The following TRIM24 variants were observed in gnomAD, a reference collection of about 807,000 sequenced individuals.
TRIM24 encodes tripartite motif containing 24, also known as transcription intermediary factor 1-alpha.
Under a neutral mutation model 123.9 loss-of-function variants are expected in TRIM24, and 29 were observed. The observed-to-expected ratio is 0.23, with a 90% CI of 0.17 to 0.32. The LOEUF is 0.32. TRIM24 is among the 10% of genes least tolerant of loss of function. The pLI, the probability that TRIM24 is intolerant of heterozygous loss-of-function variation, is 1.00. For synonymous variants in TRIM24, 456 were observed against 461.1 expected, an observed-to-expected ratio of 0.99 and a Z score of 0.14; for missense variants, 932 against 1,295.3, an observed-to-expected ratio of 0.72 and a Z score of 4.31.
At chr7:138,581,264 C>A (rs2353354) in intron 16 of TRIM24, among the ~76,000 whole-genome samples, 34,530 of 152,134 alleles carry the variant, frequency 0.23, 4,875 homozygotes, top group East Asian at 0.5. Flanking sequence ...TCAGTGGTTA[C>A]TGGGATAAAC....
In TRIM24 at chr7:138,587,087, C is replaced by T. The variant is rs1480316186; in HGVS notation, c.*2136C>T. On this transcript the variant is annotated 3_prime_UTR_variant, in exon 19 of 19. Coordinates refer to ENST00000343526, the MANE Select transcript of TRIM24 (RefSeq NM_015905.3). ...AAGATCGGGGCTGGGCGCAGTGGCT[C>T]ACACCTGCAATCCCACCAGCACTTT... 6.6e-6 allele frequency: 1 copy of T among 152,126 alleles called. No individual in the cohort carries two copies. Among genetic ancestry groups the T allele is most frequent in the Non-Finnish European group, 1.5e-5 (1 of 68,046 alleles). 9.4% of individuals were successfully genotyped at this position (152,126 alleles called of 1,614,324 possible). A position where few individuals can be genotyped will look rare whatever the true frequency, so the allele number is the denominator to read the frequency against.
chr7:138,463,510 G>GT (rs1307294313), intron 1 of TRIM24, among the ~76,000 whole-genome samples: 1 of 152,184 alleles, frequency 6.6e-6, no homozygotes, highest in East Asian at 1.9e-4. Context: ...GGGATTACAG[G>GT]TGTGAGCCAC....
chr7:138,549,363 A>G (rs1334777348), intron 7 of TRIM24, among the ~76,000 whole-genome samples: 1 of 152,156 alleles, frequency 6.6e-6, no homozygotes, highest in African/African-American at 2.4e-5. Context: ...AGAGGAAATC[A>G]CCAACAATGG....
chr7:138,578,287 A>AATG (rs72407666), intron 14 of TRIM24, among the ~76,000 whole-genome samples: 2,618 of 152,128 alleles, frequency 0.017, 66 homozygotes, highest in African/African-American at 0.059. Flanking sequence ...TAATAATAAT[A>AATG]ATGATGTAAA....
rs77557174 is a variant in TRIM24 at position 138,563,300 on chromosome 7, C to T, written c.1531-4181C>T. On this transcript the variant is annotated intron_variant, in intron 9 of 18. Transcript: ENST00000343526. ...GGTGGCATTTTTGTTTCATAGCCTC[C>T]GCCATTTTCTTCACTGCCCTCTGGA... Among the ~76,000 whole-genome samples the T allele has an allele frequency of 1.2e-3, 186 of 152,250 alleles. 1 individual carries two copies. The East Asian group carries it at 0.015, about 12-fold the overall frequency.
chr7:138,533,720 C>G (rs930057987), intron 6 of TRIM24, among the ~76,000 whole-genome samples: 4 of 152,180 alleles, frequency 2.6e-5, no homozygotes, highest in Non-Finnish European at 5.9e-5. Flanking sequence ...CAGGATGATG[C>G]TGGCCTCATA....
intron 3 of TRIM24, among the ~76,000 whole-genome samples, chr7:138,516,476 CTGCCTGTAACTGGGATTACAGG>C (rs971881791): frequency 1.3e-5 from 2 of 152,148 alleles, no homozygotes; most frequent in African/African-American, 4.8e-5. Context: ...TGCTATTCTC[CTGCCTGTAACTGGGATTACAGG>C]TGTGCGCCAC....
At chr7:138,501,794 A>C (rs986564140) in intron 1 of TRIM24, among the ~76,000 whole-genome samples, 1 of 151,824 alleles carries the variant, frequency 6.6e-6, no homozygotes, top group Non-Finnish European at 1.5e-5. Flanking sequence ...AGGCTGAGGC[A>C]GGAGAATCAC....
intron 12 of TRIM24, among the ~76,000 whole-genome samples, chr7:138,575,133 A>C (rs1797729547): frequency 6.6e-6 from 1 of 152,216 alleles, no homozygotes. Flanking sequence ...ACCATATAAA[A>C]GATGTAAAAG....
Position 138,585,451 on chromosome 7 carries a change from A to G in TRIM24, c.*500A>G, listed in dbSNP as rs11983995. ...CTGTACTGAAGAACAGTACTCCACA[A>G]ACATGGGTGGTAACAAGAGTTCCAT... On this transcript the variant is annotated 3_prime_UTR_variant, in exon 19 of 19. Transcript: ENST00000343526. The G allele has an allele frequency of 0.013, 3,805 of 296,936 alleles. 143 individuals carry two copies. Among genetic ancestry groups the G allele is most frequent in the African/African-American group, 0.079 (3,505 of 44,526 alleles). 18.4% of individuals were successfully genotyped at this position (296,936 alleles called of 1,614,324 possible). A position where few individuals can be genotyped will look rare whatever the true frequency, so the allele number is the denominator to read the frequency against.
rs1798060702 is a variant in TRIM24 at position 138,588,859 on chromosome 7, TAGC to T, written c.*3909_*3911del. On this transcript the variant is annotated 3_prime_UTR_variant, in exon 19 of 19. Transcript: ENST00000343526. ...ACCTCAACAGAATATACAAAAAAAT[TAGC>T]TGGGTGTGGTGGCGGGTGCCTGTAA... 3 of 151,370 alleles carry T rather than the reference TAGC, an allele frequency of 2.0e-5. No homozygotes were observed. Among genetic ancestry groups the T allele is most frequent in the African/African-American group, 7.3e-5 (3 of 41,098 alleles). The allele number at this position is 151,370 out of a possible 1,614,324, so 9.4% of individuals were successfully genotyped here.
rs1554429651 is a variant in TRIM24, at chr7:138,463,989, C to CATTTTTT, written c.364+3077_364+3078insATTTTTT. On this transcript the variant is annotated intron_variant, in intron 1 of 18. Transcript: ENST00000343526. ...ATACTAGCTGAAGCAAAAATTTAGA[C>CATTTTTT]TTTTTTTTTTTTTTTTTTTTTTTGA... Among the ~76,000 whole-genome samples, 311 of 50,762 alleles carry CATTTTTT rather than the reference C, an allele frequency of 6.1e-3. 15 individuals carry two copies. Among genetic ancestry groups the CATTTTTT allele is most frequent in the African/African-American group, 0.022 (263 of 12,214 alleles). 33.3% of individuals were successfully genotyped at this position (50,762 alleles called of 152,430 possible).
intron 9 of TRIM24, among the ~76,000 whole-genome samples, chr7:138,560,354 C>T (rs1797400500): frequency 6.6e-6 from 1 of 152,218 alleles, no homozygotes. Flanking sequence ...TGTCTCTTAA[C>T]AATACTTTAG....
intron 1 of TRIM24, among the ~76,000 whole-genome samples, chr7:138,477,278 C>T (rs1429745518): frequency 1.3e-5 from 2 of 152,030 alleles, no homozygotes; most frequent in Non-Finnish European, 2.9e-5. Flanking sequence ...GGAGATCAGG[C>T]CACTGCACTC....
chr7:138,560,609 C>T (rs1797406442), intron 9 of TRIM24, among the ~76,000 whole-genome samples: 1 of 152,168 alleles, frequency 6.6e-6, no homozygotes, highest in African/African-American at 2.4e-5. Flanking sequence ...GGCAGTGAGC[C>T]ACAGCACATA....
chr7:138,476,733 A>T (rs920292400), intron 1 of TRIM24, among the ~76,000 whole-genome samples: 1 of 152,204 alleles, frequency 6.6e-6, no homozygotes, highest in Non-Finnish European at 1.5e-5. Flanking sequence ...CTGGAAGGGA[A>T]TTTGGTAATA....
chr7:138,461,208 C>T, intron 1 of TRIM24: 1 of 661,038 alleles, frequency 1.5e-6, no homozygotes. Context: ...TTGCAGACCT[C>T]TGTCGGAGTC....
chr7:138,514,240 C>A (rs1330197440), intron 2 of TRIM24, among the ~76,000 whole-genome samples: 1 of 152,196 alleles, frequency 6.6e-6, no homozygotes, highest in Non-Finnish European at 1.5e-5. Context: ...TTCCAGCAAC[C>A]CTCACCAAAG....
chr7:138,516,940 C>G (rs1485190548), intron 3 of TRIM24, among the ~76,000 whole-genome samples: 3 of 149,944 alleles, frequency 2.0e-5, no homozygotes, highest in Non-Finnish European at 4.4e-5. Flanking sequence ...GAAACCCTAT[C>G]TACAAAAAAA....
Sources: allele counts gnomAD v4.1 joint callset (sites outside exome capture counted in the v4.1 genomes callset), GRCh38; gene constraint gnomAD v4.1.1; transcripts MANE v1.5; gene names NCBI Gene and HGNC (gene_info 2026-07-23, HGNC 2026-07-21).